The following PRKN variants were observed in gnomAD, a reference collection of about 807,000 sequenced individuals.
PRKN encodes the protein parkin RBR E3 ubiquitin protein ligase.
PRKN carries 56 observed loss-of-function variants against 59.5 expected under a neutral mutation model. The ratio of observed to expected loss-of-function variants is 0.94; its 90% confidence interval spans 0.76 to 1.18. The LOEUF (loss-of-function observed/expected upper bound fraction) is 1.18. PRKN is among the 50% of genes most tolerant of loss of function. The probability of loss-of-function intolerance (pLI) is 0.00; values close to 1 mark genes in which losing one functional copy is unlikely to be tolerated. For synonymous variants in PRKN, 250 were observed against 222.1 expected (o/e 1.13, Z -1.12); for missense variants, 657 against 596.4 (o/e 1.10, Z -1.06).
chr6:162,201,027 T>C, intron 4 of PRKN, 104 bp downstream of exon 4: 1 of 1,296,062 alleles, frequency 7.7e-7, no homozygotes, highest in Non-Finnish European at 1.1e-6. Flanking sequence ...AGAATGTCTT[T>C]TCTTTTCAAA....
At chr6:162,556,370 T>TGTGCGCGTGC (rs1209351399) in intron 1 of PRKN, among the ~76,000 whole-genome samples, 1 of 99,298 alleles carries the variant, frequency 1.0e-5, no homozygotes, top group South Asian at 4.2e-4. Context: ...TGTGTGTGTG[T>TGTGCGCGTGC]GTGTGTGTGT....
At chr6:162,501,518 T>TTA (rs1793374539) in intron 1 of PRKN, among the ~76,000 whole-genome samples, 1 of 149,280 alleles carries the variant, frequency 6.7e-6, no homozygotes, top group Non-Finnish European at 1.5e-5. Context: ...TGGTTAATTT[T>TTA]TTTTTTTTTT....
At chr6:161,877,908 C>T (rs1794796179) in intron 6 of PRKN, among the ~76,000 whole-genome samples, 1 of 152,016 alleles carries the variant, frequency 6.6e-6, no homozygotes, top group Non-Finnish European at 1.5e-5. Context: ...CAGTGACACA[C>T]TCCCATATAT....
At position 162,354,565 on chromosome 6, in the gene PRKN, C is replaced by T. The variant is rs558205183; in HGVS notation, c.171+88745G>A. Among the ~76,000 whole-genome samples, 10 of 152,094 alleles carry T rather than the reference C, an allele frequency of 6.6e-5. No individual in the cohort carries two copies. The South Asian group carries it at 2.1e-3, about 32-fold the overall frequency. On this transcript the variant is annotated intron_variant, in intron 2 of 11. Coordinates refer to ENST00000366898, the MANE Select transcript of PRKN (RefSeq NM_004562.3). The stretch of plus-strand genomic sequence containing the variant: ...GCATAAAAATAAGATGGCATTTCCA[C>T]CTCTAATTAGCAGCTGGAAAAGCTA...
intron 1 of PRKN, among the ~76,000 whole-genome samples, chr6:162,615,993 C>A (rs1782392608): frequency 1.3e-5 from 2 of 152,130 alleles, no homozygotes; most frequent in Admixed American, 1.3e-4. Flanking sequence ...TGTATTATTG[C>A]CAATTTGGAA....
At chr6:162,153,865 T>C (rs561104272) in intron 4 of PRKN, among the ~76,000 whole-genome samples, 68 of 152,118 alleles carry the variant, frequency 4.5e-4, no homozygotes, top group Non-Finnish European at 7.1e-4. Flanking sequence ...GGGGTCTTTA[T>C]AGGCACAGGA....
At position 161,484,791 on chromosome 6, in the gene PRKN, A is replaced by G. The variant is rs1791575672; in HGVS notation, c.1083+64063T>C. ...CAAAACTATCTCCAGACATGACCAA[A>G]TATCCCCTGGGGACAAAATCGCTGG... On this transcript the variant is annotated intron_variant, in intron 9 of 11. Transcript: ENST00000366898. This position sits in a 1 kb window ranked among gnomAD's most constrained non-coding sequence, Gnocchi z 4.9. Among the ~76,000 whole-genome samples the G allele has an allele frequency of 6.6e-6, 1 of 152,112 alleles. No individual in the cohort carries two copies.
chr6:162,011,238 T>C (rs188131472), intron 5 of PRKN, among the ~76,000 whole-genome samples: 4 of 2,056 alleles, frequency 1.9e-3, no homozygotes, highest in Non-Finnish European at 2.2e-3. Flanking sequence ...AATATATAAT[T>C]TATAATATAT....
At chr6:162,498,439 CTTTTTTTTTTT>C (rs34333763) in intron 1 of PRKN, among the ~76,000 whole-genome samples, 1 of 12,440 alleles carries the variant, frequency 8.0e-5, no homozygotes, top group Non-Finnish European at 1.6e-4. Context: ...TTTCCTTTTT[CTTTTTTTTTTT>C]TTTTTTTTTT....
chr6:162,005,260 G>C (rs1583467772), intron 5 of PRKN, among the ~76,000 whole-genome samples: 1 of 152,116 alleles, frequency 6.6e-6, no homozygotes, highest in African/African-American at 2.4e-5. Flanking sequence ...ACTCTTTATT[G>C]GTAATAAAAG....
chr6:161,607,918 C>T (rs1436994011), intron 7 of PRKN, among the ~76,000 whole-genome samples: 1 of 152,130 alleles, frequency 6.6e-6, no homozygotes, highest in Non-Finnish European at 1.5e-5. Context: ...TCAGAATGGC[C>T]TTGGACTTCA....
intron 1 of PRKN, among the ~76,000 whole-genome samples, chr6:162,570,436 A>G (rs952345923): frequency 6.6e-6 from 1 of 152,248 alleles, no homozygotes; most frequent in African/African-American, 2.4e-5. Context: ...AAATTAAGCT[A>G]CTATTTGATC....
At chr6:162,415,702 A>G (rs1237735868) in intron 2 of PRKN, among the ~76,000 whole-genome samples, 1 of 152,120 alleles carries the variant, frequency 6.6e-6, no homozygotes, top group East Asian at 1.9e-4. Context: ...CTGTAGTCCC[A>G]GCTACTTGGG....
chr6:161,564,177 G>A (rs989344293), intron 8 of PRKN, among the ~76,000 whole-genome samples: 3 of 152,168 alleles, frequency 2.0e-5, no homozygotes, highest in Non-Finnish European at 4.4e-5. Context: ...TGGCAGGAAT[G>A]CTGGGACAAG....
At chr6:161,426,307 C>T (rs1472712402) in intron 9 of PRKN, among the ~76,000 whole-genome samples, 2 of 152,072 alleles carry the variant, frequency 1.3e-5, no homozygotes, top group Non-Finnish European at 1.5e-5. Context: ...AAGTATTGAT[C>T]ATGGGTATGT....
chr6:161,373,614 T>TG lies in PRKN; in HGVS notation c.1167+13179dup, dbSNP rs113000403. On this transcript the variant is annotated intron_variant, in intron 10 of 11. Coordinates refer to ENST00000366898, the MANE Select transcript of PRKN (RefSeq NM_004562.3). The surrounding 1 kb of genome is among the most constrained non-coding windows in gnomAD (Gnocchi z 4.8). ...TGCTTTGCAGGGGTGATGAGTTAAA[T>TG]GGCCATGCCTCTGTGCTTGCAGGGG... 0.38 allele frequency among the ~76,000 whole-genome samples: 57,282 copies of TG among 149,320 alleles called. 11,040 individuals carry two copies. The highest frequency in any genetic ancestry group is 0.41 in the Non-Finnish European group (27,511 of 66,576).
At chr6:161,978,242 G>T (rs1004887612) in intron 5 of PRKN, among the ~76,000 whole-genome samples, 13 of 151,948 alleles carry the variant, frequency 8.6e-5, no homozygotes, top group Non-Finnish European at 1.5e-4. Context: ...GTAGAGATGG[G>T]GTTTCACCAT....
intron 1 of PRKN, among the ~76,000 whole-genome samples, chr6:162,586,229 T>C (rs1243805236): frequency 6.6e-6 from 1 of 152,182 alleles, no homozygotes; most frequent in Non-Finnish European, 1.5e-5. Flanking sequence ...TTTGGGAATG[T>C]CATAATAATG....
intron 1 of PRKN, among the ~76,000 whole-genome samples, chr6:162,487,604 G>C (rs117647056): frequency 0.017 from 2,577 of 152,204 alleles, 44 homozygotes; most frequent in Middle Eastern, 0.041. Flanking sequence ...CTGGCAAAAA[G>C]CTTCACTAAC....
Sources: allele counts gnomAD v4.1 joint callset (sites outside exome capture counted in the v4.1 genomes callset), GRCh38; gene constraint gnomAD v4.1.1; non-coding constraint Gnocchi (gnomAD v3.1); transcripts MANE v1.5; gene names NCBI Gene and HGNC (gene_info 2026-07-23, HGNC 2026-07-21).